CADPS: variants seen among roughly 807,000 people sequenced by gnomAD.
The protein encoded by CADPS is calcium-dependent secretion activator 1.
A neutral mutation model predicts 167.3 loss-of-function variants in CADPS; 57 were observed. The observed-to-expected ratio is 0.34, with a 90% confidence interval of 0.28 to 0.42. The LOEUF is 0.42. CADPS is among the 20% of genes least tolerant of loss of function. CADPS has a pLI of 1.00. For missense variants in CADPS, 1,414 were observed against 1,738.1 expected (o/e 0.81, Z 3.32); for synonymous variants, 676 against 635.3 (o/e 1.06, Z -0.96).
intron 5 of CADPS, among the ~76,000 whole-genome samples, chr3:62,646,419 G>T (rs1396542546): frequency 1.3e-5 from 2 of 151,808 alleles, no homozygotes; most frequent in Non-Finnish European, 2.9e-5. Context: ...CACTACGCCC[G>T]CCTCAGCCTC....
intron 9 of CADPS, among the ~76,000 whole-genome samples, chr3:62,565,116 T>C (rs1448338666): frequency 6.6e-6 from 1 of 152,164 alleles, no homozygotes; most frequent in Non-Finnish European, 1.5e-5. Context: ...TTAGAGTTAC[T>C]AACAGTAGTA....
At chr3:62,637,727 G>C (rs138586593) in intron 6 of CADPS, among the ~76,000 whole-genome samples, 462 of 152,306 alleles carry the variant, frequency 3.0e-3, no homozygotes, top group Non-Finnish European at 5.2e-3. Flanking sequence ...TAGGGTGGCA[G>C]AATGGATGAA....
intron 3 of CADPS, among the ~76,000 whole-genome samples, chr3:62,695,992 A>G (rs531106121): frequency 6.6e-6 from 1 of 152,218 alleles, no homozygotes; most frequent in East Asian, 1.9e-4. Context: ...ATAAATTTGT[A>G]TGTCTTTTCT....
intron 27 of CADPS, chr3:62,439,943 C>T (rs1433416850): frequency 6.6e-6 from 1 of 152,156 alleles, no homozygotes; most frequent in East Asian, 1.9e-4. Context: ...TTTAAAAAAT[C>T]AGTGTGGTTC....
chr3:62,561,033 C>T (rs574194007), intron 9 of CADPS, among the ~76,000 whole-genome samples: 7 of 143,314 alleles, frequency 4.9e-5, no homozygotes, highest in South Asian at 2.2e-4. Context: ...GAGCTGAGAT[C>T]GCACCACTGC....
intron 3 of CADPS, among the ~76,000 whole-genome samples, chr3:62,673,998 T>G (rs1434633657): frequency 6.6e-6 from 1 of 152,198 alleles, no homozygotes; most frequent in Non-Finnish European, 1.5e-5. Flanking sequence ...AAAAAATACC[T>G]GCTCTTTATT....
chr3:62,594,231 G>A (rs1352985708), intron 6 of CADPS, among the ~76,000 whole-genome samples: 9 of 146,536 alleles, frequency 6.1e-5, no homozygotes, highest in Non-Finnish European at 9.0e-5. Flanking sequence ...GCGGGATCTC[G>A]GCTCACTGCA....
chr3:62,618,353 G>A (rs780590397), intron 6 of CADPS, among the ~76,000 whole-genome samples: 1 of 152,122 alleles, frequency 6.6e-6, no homozygotes, highest in Non-Finnish European at 1.5e-5. Context: ...ATGAAATCCT[G>A]TCTCAGTTTA....
chr3:62,400,690 C>A (rs545079656), intron 29 of CADPS, among the ~76,000 whole-genome samples: 5 of 151,162 alleles, frequency 3.3e-5, no homozygotes, highest in African/African-American at 7.3e-5. Flanking sequence ...ACCTCCACCC[C>A]CTGGGTTCAA....
chr3:62,749,740 G>A (rs2082278945), intron 3 of CADPS, among the ~76,000 whole-genome samples: 1 of 152,162 alleles, frequency 6.6e-6, no homozygotes, highest in Admixed American at 6.5e-5. Flanking sequence ...CAAGGAAAGA[G>A]GAGGGAGGTA....
At position 62,465,500 on chromosome 3, in the gene CADPS, T is replaced by C; in HGVS notation, c.3553-50A>G. ...AAATGTTATTTCAAACTATAATTGTTCACCATAAAGCACATCATTTCCCCA... is the reference window on the plus strand; with the variant it reads ...AAATGTTATTTCAAACTATAATTGTCCACCATAAAGCACATCATTTCCCCA... On this transcript the variant is annotated intron_variant, in intron 25 of 29. Coordinates refer to ENST00000383710, the MANE Select transcript of CADPS (RefSeq NM_003716.4). The surrounding 1 kb of genome is among the most constrained non-coding windows in gnomAD (Gnocchi z 4.1). 1 of 1,325,010 alleles carries C rather than the reference T, an allele frequency of 7.5e-7. No individual in the cohort carries two copies. Among genetic ancestry groups the C allele is most frequent in the Non-Finnish European group, 1.1e-6 (1 of 928,532 alleles). The allele number at this position is 1,325,010 out of a possible 1,614,324, so 82.1% of individuals were successfully genotyped here.
intron 3 of CADPS, among the ~76,000 whole-genome samples, chr3:62,696,511 T>A (rs2080308161): frequency 6.6e-6 from 1 of 151,944 alleles, no homozygotes; most frequent in Non-Finnish European, 1.5e-5. Flanking sequence ...GCATCTCTCC[T>A]CTGAGGGCTG....
intron 27 of CADPS, among the ~76,000 whole-genome samples, chr3:62,444,570 G>A (rs557440840): frequency 6.6e-6 from 1 of 152,296 alleles, no homozygotes; most frequent in South Asian, 2.1e-4. Context: ...GCAGTTATGT[G>A]AGCTTTTTCT....
At chr3:62,445,363 G>C (rs2057026378) in intron 27 of CADPS, among the ~76,000 whole-genome samples, 1 of 152,192 alleles carries the variant, frequency 6.6e-6, no homozygotes, top group South Asian at 2.1e-4. Context: ...CCACAATTAA[G>C]TTTTTCATCA....
intron 4 of CADPS, among the ~76,000 whole-genome samples, chr3:62,658,427 T>C (rs1233627267): frequency 2.0e-5 from 3 of 152,030 alleles, no homozygotes; most frequent in Admixed American, 2.0e-4. Context: ...GGCCTATATC[T>C]GGGAATATAT....
intron 1 of CADPS, among the ~76,000 whole-genome samples, chr3:62,866,361 G>C (rs2081677886): frequency 6.6e-6 from 1 of 151,982 alleles, no homozygotes; most frequent in South Asian, 2.1e-4. Context: ...AAGCTCTCTA[G>C]GAAATAAAGC....
chr3:62,703,213 C>G (rs2081736202), intron 3 of CADPS, among the ~76,000 whole-genome samples: 7 of 152,138 alleles, frequency 4.6e-5, no homozygotes, highest in Admixed American at 4.6e-4. Flanking sequence ...CGCCCTTCAA[C>G]TCTTTGAGAA....
chr3:62,472,268 G>A (rs183684233), intron 24 of CADPS, among the ~76,000 whole-genome samples: 2 of 152,294 alleles, frequency 1.3e-5, no homozygotes, highest in Non-Finnish European at 2.9e-5. Flanking sequence ...AAAATTGACC[G>A]TGGTGATGAC....
intron 9 of CADPS, among the ~76,000 whole-genome samples, chr3:62,569,226 T>C (rs1416685913): frequency 6.6e-6 from 1 of 152,106 alleles, no homozygotes; most frequent in Non-Finnish European, 1.5e-5. Context: ...TCAGCCTCCC[T>C]AGTAGCTGAG....
Sources: allele counts gnomAD v4.1 joint callset (sites outside exome capture counted in the v4.1 genomes callset), GRCh38; gene constraint gnomAD v4.1.1; non-coding constraint Gnocchi (gnomAD v3.1); transcripts MANE v1.5; gene names NCBI Gene and HGNC (gene_info 2026-07-23, HGNC 2026-07-21).